TOPAZ1: variants seen among roughly 807,000 people sequenced by gnomAD.
TOPAZ1 encodes testis and ovary specific TOPAZ 1.
TOPAZ1 carries 66 observed loss-of-function variants against 172.2 expected under a neutral mutation model. That is an observed-to-expected ratio of 0.38 (90% CI 0.31 to 0.47). The LOEUF (loss-of-function observed/expected upper bound fraction) is 0.47. Ranked by LOEUF, TOPAZ1 falls within the 20% of genes least tolerant of loss-of-function variation. The pLI, the probability that TOPAZ1 is intolerant of heterozygous loss-of-function variation, is 0.99. For missense variants in TOPAZ1, 1,822 were observed against 1,972.4 expected (o/e 0.92, Z 1.44); for synonymous variants, 681 against 683.9 (o/e 1.00, Z 0.07).
chr3:44,285,609 G>A (rs1237353118), intron 9 of TOPAZ1, among the ~76,000 whole-genome samples: 3 of 151,962 alleles, frequency 2.0e-5, no homozygotes, highest in South Asian at 2.1e-4. Flanking sequence ...TTCCCCGGTC[G>A]CCCAGGCTGG....
At position 44,242,946 on chromosome 3, in the gene TOPAZ1, C is replaced by A. The variant is rs1699504028; in HGVS notation, c.440C>A (p.Ser147Tyr). Reference protein sequence around the residue: ...VRKESLTSSESFQTVECLQSL... With the variant: ...VRKESLTSSEYFQTVECLQSL... The stretch of plus-strand genomic sequence containing the variant: ...AAGGAATCATTAACCAGTTCGGAAT[C>A]TTTCCAAACAGTGGAATGCTTGCAG... Residue 147 changes from serine to tyrosine, a missense_variant, in exon 2 of 20, where the codon TCT (serine) becomes TAT (tyrosine). Physicochemically the swap from Ser to Tyr is moderately radical, Grantham distance 144. Transcript: ENST00000309765. The A allele has an allele frequency of 1.9e-6, 3 of 1,550,556 alleles. No individual in the cohort carries two copies. Among genetic ancestry groups the A allele is most frequent in the East Asian group, 2.4e-5 (1 of 40,908 alleles).
At chr3:44,320,667 G>A (rs1350950120) in intron 16 of TOPAZ1, among the ~76,000 whole-genome samples, 1 of 152,160 alleles carries the variant, frequency 6.6e-6, no homozygotes, top group Non-Finnish European at 1.5e-5. Context: ...ATTATTTATT[G>A]TGAAATTGTT....
intron 12 of TOPAZ1, among the ~76,000 whole-genome samples, chr3:44,298,662 G>T (rs1700226480): frequency 6.6e-6 from 1 of 151,078 alleles, no homozygotes. Context: ...TTTTATGGAA[G>T]AAAGCTAGTT....
chr3:44,276,171 G>T (rs1426057288), intron 8 of TOPAZ1, among the ~76,000 whole-genome samples: 1 of 152,112 alleles, frequency 6.6e-6, no homozygotes, highest in Non-Finnish European at 1.5e-5. Context: ...TGTGTTTGCT[G>T]TGCAGAAGCT....
chr3:44,276,360 G>C (rs926822241), intron 8 of TOPAZ1, among the ~76,000 whole-genome samples: 4 of 152,084 alleles, frequency 2.6e-5, no homozygotes, highest in African/African-American at 7.2e-5. Context: ...TATGGTGAGA[G>C]ATAGGGGTCC....
At chr3:44,327,532 G>C (rs1700613395) in intron 18 of TOPAZ1, among the ~76,000 whole-genome samples, 1 of 152,158 alleles carries the variant, frequency 6.6e-6, no homozygotes, top group African/African-American at 2.4e-5. Context: ...GGATGGAAAT[G>C]TATTTTATGC....
chr3:44,269,160 T>A, intron 6 of TOPAZ1, 56 bp from the exon 7 acceptor site: 1 of 946,160 alleles, frequency 1.1e-6, no homozygotes, highest in South Asian at 1.4e-5. Flanking sequence ...TTCATTGTTA[T>A]GAAGAAAATA....
intron 12 of TOPAZ1, among the ~76,000 whole-genome samples, chr3:44,303,676 G>A (rs2125699304): frequency 6.6e-6 from 1 of 152,134 alleles, no homozygotes; most frequent in Non-Finnish European, 1.5e-5. Flanking sequence ...TAAGGGTAGG[G>A]TAGGAGCAGT....
At chr3:44,251,912 A>G (rs895774839) in intron 2 of TOPAZ1, among the ~76,000 whole-genome samples, 13 of 152,234 alleles carry the variant, frequency 8.5e-5, no homozygotes, top group Admixed American at 2.6e-4. Context: ...CACTCCACCA[A>G]TGCAAAACTG....
intron 8 of TOPAZ1, among the ~76,000 whole-genome samples, chr3:44,276,837 C>A (rs1575717465): frequency 6.6e-6 from 1 of 151,866 alleles, no homozygotes; most frequent in Non-Finnish European, 1.5e-5. Context: ...TGTCGCCAGG[C>A]TGGAGTACAG....
intron 7 of TOPAZ1, among the ~76,000 whole-genome samples, chr3:44,269,648 C>T (rs1490612623): frequency 3.3e-5 from 5 of 151,230 alleles, no homozygotes; most frequent in Non-Finnish European, 7.4e-5. Flanking sequence ...GAGACGGAGT[C>T]TTGCTCTTGT....
Position 44,332,025 on chromosome 3 carries a change from C to CTTTTTTT in TOPAZ1, c.*23_*29dup. ...AGTAACCATTAGCTAATAAAGTCTG[C>CTTTTTTT]TTTTTTTTTTTTTTTAGTTCAAGTA... On this transcript the variant is annotated 3_prime_UTR_variant, in exon 20 of 20. Transcript: ENST00000309765. 7.5e-7 allele frequency: 1 copy of CTTTTTTT among 1,329,814 alleles called. No individual in the cohort carries two copies. The highest frequency in any genetic ancestry group is 2.9e-5 in the Admixed American group (1 of 34,774). 82.4% of individuals were successfully genotyped at this position (1,329,814 alleles called of 1,614,324 possible). A position where few individuals can be genotyped will look rare whatever the true frequency, so the allele number is the denominator to read the frequency against.
At chr3:44,309,657 G>C (rs1700376417) in intron 15 of TOPAZ1, among the ~76,000 whole-genome samples, 168 bp from the exon 16 acceptor site, 1 of 152,170 alleles carries the variant, frequency 6.6e-6, no homozygotes, top group Admixed American at 6.5e-5. Flanking sequence ...CCTTTCATCT[G>C]TATGGCTGAA....
At chr3:44,311,785 A>G (rs991667315) in intron 16 of TOPAZ1, among the ~76,000 whole-genome samples, 11 of 152,202 alleles carry the variant, frequency 7.2e-5, no homozygotes, top group Admixed American at 2.6e-4. Context: ...TCTCACTGAT[A>G]ATAAGTGAGA....
intron 3 of TOPAZ1, among the ~76,000 whole-genome samples, chr3:44,255,609 G>T (rs1699689683): frequency 7.1e-6 from 1 of 141,216 alleles, no homozygotes; most frequent in African/African-American, 2.6e-5. Context: ...CCAAGATCAC[G>T]CCACTGCACT....
chr3:44,282,353 C>T (rs1290875539), intron 9 of TOPAZ1, among the ~76,000 whole-genome samples: 1 of 152,108 alleles, frequency 6.6e-6, no homozygotes, highest in African/African-American at 2.4e-5. Flanking sequence ...CTCTTTCCTA[C>T]TTCTTCATCC....
Position 44,243,731 on chromosome 3 carries a change from G to C in TOPAZ1, c.1225G>C (p.Glu409Gln). The C allele has an allele frequency of 6.4e-7, 1 of 1,551,400 alleles. No homozygotes were observed. Among genetic ancestry groups the C allele is most frequent in the Non-Finnish European group, 8.7e-7 (1 of 1,146,954 alleles). ...AACAGTAGAAAAAGAAACAAGTTCT[G>C]AACATCATGTAAATGCTGTGTTTCA... ...PETVEKETSS[E>Q]HHVNAVFQKT... The change falls in exon 2 of 20, where the codon GAA (glutamate) becomes CAA (glutamine). Residue 409 changes from glutamate (E) to glutamine (Q), a missense_variant. Glu to Gln is a conservative substitution (Grantham distance 29, BLOSUM62 2). This residue lies in a region of TOPAZ1 where 1,489 missense variants were observed against 1,490.8 expected (regional missense o/e 1.00). Transcript: ENST00000309765.
intron 4 of TOPAZ1, among the ~76,000 whole-genome samples, chr3:44,257,352 G>GGTGTGTGTGTGTGTGTGTGTGTGT (rs59827431): frequency 2.7e-5 from 3 of 110,386 alleles, no homozygotes; most frequent in African/African-American, 7.7e-5. Context: ...AAAACATAGG[G>GGTGTGTGTGTGTGTGTGTGTGTGT]GTGTGTGTGT....
At chr3:44,276,055 T>G (rs1699951285) in intron 8 of TOPAZ1, among the ~76,000 whole-genome samples, 1 of 152,202 alleles carries the variant, frequency 6.6e-6, no homozygotes, top group Non-Finnish European at 1.5e-5. Context: ...ATTATTTGCT[T>G]TTTTTGCTGT....
Sources: gnomAD v4.1 joint callset for allele counts (sites outside exome capture counted in the v4.1 genomes callset) on GRCh38, gnomAD v4.1.1 for gene constraint, gnomAD v4.1.1 regional missense constraint, MANE v1.5 for transcripts, NCBI Gene and HGNC (gene_info 2026-07-23, HGNC 2026-07-21) for gene names.